Variants in TMC7 observed in about 807,000 individuals in gnomAD.
The protein encoded by TMC7 is transmembrane channel-like protein 7.
TMC7 carries 54 observed loss-of-function variants against 82.9 expected under a neutral mutation model. That is an observed-to-expected ratio of 0.65 (90% confidence interval 0.52 to 0.82). TMC7 has a LOEUF of 0.82. Among genes scored for constraint, TMC7 ranks in the 40% least tolerant of loss-of-function variants. The pLI, the probability that TMC7 is intolerant of heterozygous loss-of-function variation, is 0.00. For missense variants in TMC7, 820 were observed against 901.2 expected (o/e 0.91, Z 1.15); for synonymous variants, 350 against 337.9 (o/e 1.04, Z -0.39).
intron 1 of TMC7, chr16:18,984,699 T>A: frequency 5.6e-6 from 1 of 178,712 alleles, no homozygotes; most frequent in Non-Finnish European, 1.1e-5. Context: ...GCATTGTGGC[T>A]AGACAGTCAC....
chr16:19,034,788 TCC>T, intron 6 of TMC7, among the ~76,000 whole-genome samples: 1 of 151,934 alleles, frequency 6.6e-6, no homozygotes, highest in Middle Eastern at 3.4e-3. Context: ...TAGTGGGAAT[TCC>T]CAAGGGTAGA....
In TMC7 at chr16:19,035,665, T is replaced by C. The variant is rs200668236; in HGVS notation, c.858-11T>C. ...GTTTCTATAAGAAGGATGATTGTGT[T>C]TTGGGGTCAGGTCGGTGGAAGGATT... On this transcript the variant is annotated splice_polypyrimidine_tract_variant and intron_variant, in intron 6 of 15. Transcript: ENST00000304381. The C allele has an allele frequency of 1.2e-4, 195 of 1,614,082 alleles. No homozygotes were observed. In the African/African-American group the frequency reaches 2.1e-3, roughly 17 times the overall value.
At chr16:19,021,977 G>A (rs921348126) in intron 4 of TMC7, among the ~76,000 whole-genome samples, 181 bp downstream of exon 4, 1 of 152,146 alleles carries the variant, frequency 6.6e-6, no homozygotes, top group African/African-American at 2.4e-5. Context: ...TGGAATAACA[G>A]CATGCAGGCA....
intron 9 of TMC7, among the ~76,000 whole-genome samples, chr16:19,041,053 G>T (rs932551338): frequency 2.0e-5 from 3 of 151,560 alleles, no homozygotes; most frequent in East Asian, 3.9e-4. Flanking sequence ...ACCATGCCCA[G>T]CTAATTAAAA....
At chr16:18,998,402 C>T (rs1236650015) in intron 1 of TMC7, among the ~76,000 whole-genome samples, 1 of 152,178 alleles carries the variant, frequency 6.6e-6, no homozygotes, top group African/African-American at 2.4e-5. Flanking sequence ...CCTTCTCGGA[C>T]AGACAGAATT....
intron 1 of TMC7, among the ~76,000 whole-genome samples, chr16:18,989,022 C>T (rs1295034629): frequency 6.7e-6 from 1 of 149,948 alleles, no homozygotes; most frequent in Non-Finnish European, 1.5e-5. Flanking sequence ...CATTGCACTC[C>T]AGCCTGGGCA....
chr16:19,042,880 G>A (rs552501883), intron 9 of TMC7, among the ~76,000 whole-genome samples: 3 of 152,076 alleles, frequency 2.0e-5, no homozygotes, highest in South Asian at 4.1e-4. Context: ...CCAAGTAGCC[G>A]GGACTACAGG....
At chr16:18,997,567 G>A (rs550919157) in intron 1 of TMC7, among the ~76,000 whole-genome samples, 42 of 151,246 alleles carry the variant, frequency 2.8e-4, no homozygotes, top group Middle Eastern at 3.4e-3. Flanking sequence ...ACAGGGTTTC[G>A]CCATGTTGGC....
chr16:19,053,854 T>C (rs895920631), intron 13 of TMC7, among the ~76,000 whole-genome samples: 4 of 151,714 alleles, frequency 2.6e-5, no homozygotes, highest in African/African-American at 4.8e-5. Flanking sequence ...TCTTTCTTTT[T>C]TTTTTTTTTT....
chr16:19,041,458 C>T (rs1231269472), intron 9 of TMC7, among the ~76,000 whole-genome samples: 5 of 151,798 alleles, frequency 3.3e-5, no homozygotes, highest in Admixed American at 6.6e-5. Flanking sequence ...CTCCACCTCC[C>T]GGGTTCAAGC....
intron 1 of TMC7, among the ~76,000 whole-genome samples, chr16:19,003,549 G>A (rs2039180169): frequency 6.7e-6 from 1 of 149,546 alleles, no homozygotes; most frequent in Admixed American, 6.7e-5. Flanking sequence ...AGCTCATTGA[G>A]AACGGGCCAG....
chr16:19,047,336 C>G (rs1961323704), intron 12 of TMC7, 87 bp downstream of exon 12: 2 of 1,116,624 alleles, frequency 1.8e-6, no homozygotes, highest in Non-Finnish European at 2.6e-6. Flanking sequence ...CACCTCACAT[C>G]CCATGAGACG....
intron 1 of TMC7, chr16:18,984,436 T>A: frequency 8.3e-7 from 1 of 1,197,818 alleles, no homozygotes; most frequent in Non-Finnish European, 1.0e-6. Flanking sequence ...CCTCATCTGC[T>A]GTTAAATGAA....
At chr16:19,044,654 T>G (rs1961177213) in intron 9 of TMC7, among the ~76,000 whole-genome samples, 1 of 150,740 alleles carries the variant, frequency 6.6e-6, no homozygotes, top group Non-Finnish European at 1.5e-5. Context: ...GAAAAAAAAT[T>G]AGCTGGGTAT....
chr16:19,054,948 A>G (rs1008924127), intron 13 of TMC7, among the ~76,000 whole-genome samples: 1 of 152,006 alleles, frequency 6.6e-6, no homozygotes, highest in Non-Finnish European at 1.5e-5. Context: ...GGGTTTCGCC[A>G]TATTGGGCAG....
chr16:19,013,942 C>A (rs1959531643), intron 2 of TMC7, among the ~76,000 whole-genome samples: 1 of 147,428 alleles, frequency 6.8e-6, no homozygotes, highest in African/African-American at 2.5e-5. Context: ...CAAGCTCTGC[C>A]TCCCAGGTTC....
intron 1 of TMC7, among the ~76,000 whole-genome samples, chr16:19,002,322 C>T (rs2039155802): frequency 1.3e-5 from 2 of 151,538 alleles, no homozygotes; most frequent in African/African-American, 2.4e-5. Context: ...CTGCAACCCC[C>T]GCCTCCTGGG....
intron 15 of TMC7, among the ~76,000 whole-genome samples, chr16:19,061,040 G>T (rs1322843982): frequency 1.4e-5 from 2 of 141,774 alleles, no homozygotes; most frequent in African/African-American, 5.3e-5. Context: ...GTCTCACTCT[G>T]TCGCCCAGGC....
Position 19,045,397 on chromosome 16 carries a change from C to T in TMC7, c.1512C>T (p.Ile504=), listed in dbSNP as rs772082759. The T allele has an allele frequency of 1.2e-6, 2 of 1,613,984 alleles. No homozygotes were observed. The highest frequency in any genetic ancestry group is 1.3e-5 in the African/African-American group (1 of 74,982). ...ACAAGCTGATGATCTTCGACTTCAT[C>T]ATCATCTTGGCTGTGACACTCTTCG... ...EMYKLMIFDF[I]IILAVTLFVD... The change falls in exon 11 of 16, where the codon ATC becomes ATT. Residue 504 remains isoleucine, a synonymous_variant. Coordinates refer to ENST00000304381, the MANE Select transcript of TMC7 (RefSeq NM_024847.4).
Sources: allele counts gnomAD v4.1 joint callset (sites outside exome capture counted in the v4.1 genomes callset), GRCh38; gene constraint gnomAD v4.1.1; transcripts MANE v1.5; gene names NCBI Gene and HGNC (gene_info 2026-07-23, HGNC 2026-07-21).